The following DERA variants were observed in gnomAD, a reference collection of about 807,000 sequenced individuals.
DERA encodes deoxyribose-phosphate aldolase, also known as 2-deoxy-D-ribose 5-phosphate aldolase.
Under a neutral mutation model 41.1 loss-of-function variants are expected in DERA, and 15 were observed. That is an observed-to-expected ratio of 0.37 (90% CI 0.24 to 0.56). DERA has a LOEUF of 0.56. DERA is among the 20% of genes least tolerant of loss of function. The probability of loss-of-function intolerance (pLI) is 0.81; values close to 1 mark genes in which losing one functional copy is unlikely to be tolerated. For missense variants in DERA, 396 were observed against 403.4 expected (o/e 0.98, Z 0.16); for synonymous variants, 139 against 137.4 (o/e 1.01, Z -0.08).
At chr12:15,926,827 T>G (rs946828248) in intron 1 of DERA, among the ~76,000 whole-genome samples, 14 of 150,374 alleles carry the variant, frequency 9.3e-5, no homozygotes, top group Non-Finnish European at 1.5e-4. Context: ...CTGAGTGGAG[T>G]TCTAGCAGCT....
In DERA at chr12:16,003,920, C is replaced by G. The variant is rs1258695357; in HGVS notation, c.637+21484C>G. Among the ~76,000 whole-genome samples, 2 of 152,158 alleles carry G rather than the reference C, an allele frequency of 1.3e-5. No individual in the cohort carries two copies. Among genetic ancestry groups the G allele is most frequent in the Non-Finnish European group, 2.9e-5 (2 of 68,026 alleles). Reference sequence around the variant, plus strand: ...AGGTGTTCTGGGTTGTAGAGCTAGCCACTCAGAGGCATCCGGGCCTTCCTC... The same window carrying G: ...AGGTGTTCTGGGTTGTAGAGCTAGCGACTCAGAGGCATCCGGGCCTTCCTC... On this transcript the variant is annotated intron_variant, in intron 6 of 8. Coordinates refer to ENST00000428559, the MANE Select transcript of DERA (RefSeq NM_015954.4). This position sits in a 1 kb window ranked among gnomAD's most constrained non-coding sequence, Gnocchi z 4.8.
intron 5 of DERA, among the ~76,000 whole-genome samples, chr12:15,964,655 A>G (rs1948610924): frequency 1.3e-5 from 2 of 152,234 alleles, no homozygotes; most frequent in Non-Finnish European, 1.5e-5. Context: ...AAATCTGGCA[A>G]TAAACTTTAT....
rs1948814042 is a variant in DERA, at chr12:15,993,279, G to A, written c.637+10843G>A. Among the ~76,000 whole-genome samples, 1 of 152,088 alleles carries A rather than the reference G, an allele frequency of 6.6e-6. No individual in the cohort carries two copies. Among genetic ancestry groups the A allele is most frequent in the Non-Finnish European group, 1.5e-5 (1 of 67,996 alleles). On this transcript the variant is annotated intron_variant, in intron 6 of 8. Transcript: ENST00000428559. This position sits in a 1 kb window ranked among gnomAD's most constrained non-coding sequence, Gnocchi z 4.4. ...ACTAAAAAAATGTGGTGATTAATAG[G>A]AAATTAGTATCTAAGATTTTAAAAA... is the stretch of plus-strand genomic sequence containing the variant.
intron 6 of DERA, among the ~76,000 whole-genome samples, chr12:16,028,361 A>G (rs1180816734): frequency 6.6e-6 from 1 of 152,266 alleles, no homozygotes; most frequent in Non-Finnish European, 1.5e-5. Flanking sequence ...GTGAGGAATT[A>G]TAAACCCAAG....
chr12:15,936,257 A>G lies in DERA; in HGVS notation c.32-20679A>G, dbSNP rs553534618. 6.6e-6 allele frequency among the ~76,000 whole-genome samples: 1 copy of G among 152,310 alleles called. No homozygotes were observed. Among genetic ancestry groups the G allele is most frequent in the South Asian group, 2.1e-4 (1 of 4,830 alleles). On this transcript the variant is annotated intron_variant, in intron 1 of 8. Transcript: ENST00000428559. The surrounding 1 kb of genome is among the most constrained non-coding windows in gnomAD (Gnocchi z 4.6). ...TAGCTACCCGTTTCCCTTATTTGCT[A>G]TGTTAATTATTTTAACTTGCTTTTG...
At chr12:15,974,843 C>A (rs1234768406) in intron 5 of DERA, among the ~76,000 whole-genome samples, 1 of 152,120 alleles carries the variant, frequency 6.6e-6, no homozygotes, top group Non-Finnish European at 1.5e-5. Flanking sequence ...TGATGTGGAA[C>A]CCTACAAAGC....
chr12:15,914,938 G>T lies in DERA; in HGVS notation c.31+3524G>T, dbSNP rs1198007818. Among the ~76,000 whole-genome samples, 8 of 152,078 alleles carry T rather than the reference G, an allele frequency of 5.3e-5. No individual in the cohort carries two copies. The East Asian group carries it at 1.4e-3, about 26-fold the overall frequency. On this transcript the variant is annotated intron_variant, in intron 1 of 8. Coordinates refer to ENST00000428559, the MANE Select transcript of DERA (RefSeq NM_015954.4). ...TTACAGGTGCCTGCCACCAAGCCCG[G>T]CTAATATTTTTATATTTTTAGTAGA...
At chr12:15,980,763 TG>T (rs1224840867) in intron 5 of DERA, among the ~76,000 whole-genome samples, 1 of 152,160 alleles carries the variant, frequency 6.6e-6, no homozygotes, top group East Asian at 1.9e-4. Context: ...CATCTCTCAG[TG>T]GTAACAAACT....
chr12:15,964,531 A>G, intron 5 of DERA, among the ~76,000 whole-genome samples: 1 of 152,202 alleles, frequency 6.6e-6, no homozygotes, highest in Non-Finnish European at 1.5e-5. Context: ...CGTATTTTAA[A>G]TAGATATCTC....
Position 15,926,718 on chromosome 12 carries a change from C to T in DERA, c.31+15304C>T, listed in dbSNP as rs1247355161. Among the ~76,000 whole-genome samples, 11 of 125,284 alleles carry T rather than the reference C, an allele frequency of 8.8e-5. No individual in the cohort carries two copies. The South Asian group carries it at 2.8e-3, about 32-fold the overall frequency. The allele number at this position is 125,284 out of a possible 152,430, so 82.2% of individuals were successfully genotyped here. ...ACCACTGCACTCCCGCCTGGGGCGA[C>T]AGAGCGAGACTCCGTCTCAAAAAGA... On this transcript the variant is annotated intron_variant, in intron 1 of 8. Coordinates refer to ENST00000428559, the MANE Select transcript of DERA (RefSeq NM_015954.4).
rs1948673298 is a variant in DERA, at chr12:15,972,952, G to T, written c.509-9356G>T. On this transcript the variant is annotated intron_variant, in intron 5 of 8. Transcript: ENST00000428559. This position sits in a 1 kb window ranked among gnomAD's most constrained non-coding sequence, Gnocchi z 4.4. ...CTGATTTGGATGCTGTTTCAAACAT[G>T]CAGTCTGACCCCTTTCCCTCCTTTC... is the stretch of plus-strand genomic sequence containing the variant. Among the ~76,000 whole-genome samples the T allele has an allele frequency of 1.3e-5, 2 of 152,196 alleles. No individual in the cohort carries two copies. The highest frequency in any genetic ancestry group is 4.1e-4 in the South Asian group (2 of 4,834).
chr12:15,915,961 G>C lies in DERA; in HGVS notation c.31+4547G>C, dbSNP rs768646233. ...CATGCTTAAACAACCACACTGTGTC[G>C]ACTGGTGCTAACTGGGAGCACTACA... On this transcript the variant is annotated intron_variant, in intron 1 of 8. Coordinates refer to ENST00000428559, the MANE Select transcript of DERA (RefSeq NM_015954.4). The surrounding 1 kb of genome is among the most constrained non-coding windows in gnomAD (Gnocchi z 4.8). 1.3e-5 allele frequency among the ~76,000 whole-genome samples: 2 copies of C among 152,180 alleles called. No individual in the cohort carries two copies. The highest frequency in any genetic ancestry group is 1.3e-4 in the Admixed American group (2 of 15,282).
rs1008962669 is a variant in DERA at position 15,978,148 on chromosome 12, G to T, written c.509-4160G>T. On this transcript the variant is annotated intron_variant, in intron 5 of 8. Coordinates refer to ENST00000428559, the MANE Select transcript of DERA (RefSeq NM_015954.4). Reference sequence around the variant, plus strand: ...TTGAGATTGACTGGGTTACATTTCAGCCATCAAGCCACTTTGATTAGCATA... The same window carrying T: ...TTGAGATTGACTGGGTTACATTTCATCCATCAAGCCACTTTGATTAGCATA... 1.2e-4 allele frequency among the ~76,000 whole-genome samples: 18 copies of T among 152,272 alleles called. No individual in the cohort carries two copies. In the South Asian group the frequency reaches 3.5e-3, roughly 30 times the overall value.
chr12:15,912,092 G>C (rs916343623), intron 1 of DERA, among the ~76,000 whole-genome samples: 2 of 151,520 alleles, frequency 1.3e-5, no homozygotes, highest in South Asian at 2.1e-4. Context: ...TCATAGGACA[G>C]TAGTGGAGGG....
intron 1 of DERA, among the ~76,000 whole-genome samples, chr12:15,932,375 A>G (rs895140967): frequency 6.6e-6 from 1 of 152,140 alleles, no homozygotes; most frequent in Non-Finnish European, 1.5e-5. Context: ...TGTTGGCTGG[A>G]CATGGTGGCT....
rs1031332951 is a variant in DERA at position 16,036,666 on chromosome 12, A to G, written c.901-24A>G. ...GTGTATAATTATAGAATGATTGTTA[A>G]TTAAACTCTGCTTTTCCTCACAGAT... On this transcript the variant is annotated intron_variant, in intron 8 of 8. Transcript: ENST00000428559. The surrounding 1 kb of genome is among the most constrained non-coding windows in gnomAD (Gnocchi z 4.9). 1 of 1,558,562 alleles carries G rather than the reference A, an allele frequency of 6.4e-7. No individual in the cohort carries two copies. The highest frequency in any genetic ancestry group is 8.8e-7 in the Non-Finnish European group (1 of 1,137,376).
rs1285522708 is a variant in DERA, at chr12:15,996,631, A to G, written c.637+14195A>G. Among the ~76,000 whole-genome samples, 3 of 152,192 alleles carry G rather than the reference A, an allele frequency of 2.0e-5. No homozygotes were observed. The highest frequency in any genetic ancestry group is 7.2e-5 in the African/African-American group (3 of 41,452). ...ACATCTTCAGTGGCCCTCTTTCCAAATAAGGTCTCTTCCTGAGGTATTGAG... is the reference window on the plus strand; with the variant it reads ...ACATCTTCAGTGGCCCTCTTTCCAAGTAAGGTCTCTTCCTGAGGTATTGAG... On this transcript the variant is annotated intron_variant, in intron 6 of 8. Transcript: ENST00000428559. This position sits in a 1 kb window ranked among gnomAD's most constrained non-coding sequence, Gnocchi z 4.7.
chr12:15,940,262 A>G lies in DERA; in HGVS notation c.32-16674A>G, dbSNP rs1025671282. Among the ~76,000 whole-genome samples, 2 of 152,200 alleles carry G rather than the reference A, an allele frequency of 1.3e-5. No homozygotes were observed. Among genetic ancestry groups the G allele is most frequent in the African/African-American group, 4.8e-5 (2 of 41,456 alleles). ...AATTAACTGATTTTCTGTTTGAGGC[A>G]TCTATGACTCTGCTATGAAACTGAT... On this transcript the variant is annotated intron_variant, in intron 1 of 8. Coordinates refer to ENST00000428559, the MANE Select transcript of DERA (RefSeq NM_015954.4). The surrounding 1 kb of genome is among the most constrained non-coding windows in gnomAD (Gnocchi z 5.1).
chr12:15,941,353 G>A lies in DERA; in HGVS notation c.32-15583G>A, dbSNP rs191006239. Among the ~76,000 whole-genome samples, 3 of 152,228 alleles carry A rather than the reference G, an allele frequency of 2.0e-5. No individual in the cohort carries two copies. Among genetic ancestry groups the A allele is most frequent in the African/African-American group, 7.2e-5 (3 of 41,548 alleles). On this transcript the variant is annotated intron_variant, in intron 1 of 8. Transcript: ENST00000428559. This position sits in a 1 kb window ranked among gnomAD's most constrained non-coding sequence, Gnocchi z 4.5. The stretch of plus-strand genomic sequence containing the variant: ...TCCTACTGCCACCCAAGAGTAGAAG[G>A]ACTTAGCCGTCTGTAGCCACAATTT...
Sources: gnomAD v4.1 joint callset for allele counts (sites outside exome capture counted in the v4.1 genomes callset) on GRCh38, gnomAD v4.1.1 for gene constraint, Gnocchi (gnomAD v3.1) non-coding constraint, MANE v1.5 for transcripts, NCBI Gene and HGNC (gene_info 2026-07-23, HGNC 2026-07-21) for gene names.